Variants in EYS observed in about 807,000 individuals in gnomAD.
EYS encodes protein eyes shut homolog.
Under a neutral mutation model 282.1 loss-of-function variants are expected in EYS, and 250 were observed. That is an observed-to-expected ratio of 0.89 (90% confidence interval 0.80 to 0.98). The LOEUF is 0.98. Ranked by LOEUF, EYS falls within the 50% of genes least tolerant of loss-of-function variation. EYS has a pLI of 0.00. For synonymous variants in EYS, 1,355 were observed against 1,282.9 expected, an observed-to-expected ratio of 1.06 and a Z score of -1.20; for missense variants, 4,016 against 3,709.0, an observed-to-expected ratio of 1.08 and a Z score of -2.15.
chr6:65,384,664 G>C (rs1765734534), intron 7 of EYS, among the ~76,000 whole-genome samples, 164 bp from the exon 8 acceptor site: 1 of 151,752 alleles, frequency 6.6e-6, no homozygotes, highest in Non-Finnish European at 1.5e-5. Flanking sequence ...TCCTATTTAT[G>C]TATTTGGAAA....
chr6:64,986,818 C>G (rs938831264), intron 14 of EYS, among the ~76,000 whole-genome samples: 29 of 145,492 alleles, frequency 2.0e-4, no homozygotes, highest in Non-Finnish European at 3.5e-4. Flanking sequence ...ATATATAACT[C>G]AGACCAAAAA....
chr6:65,142,735 A>G (rs1463474487), intron 12 of EYS, among the ~76,000 whole-genome samples: 1 of 151,892 alleles, frequency 6.6e-6, no homozygotes, highest in Admixed American at 6.6e-5. Context: ...GTGGAGGCCA[A>G]GGAGACATAC....
intron 22 of EYS, among the ~76,000 whole-genome samples, chr6:64,746,324 G>A (rs1250402737): frequency 2.6e-5 from 4 of 151,820 alleles, no homozygotes; most frequent in African/African-American, 9.7e-5. Context: ...ATGAAAAGAA[G>A]AGTTTGTCAC....
intron 30 of EYS, among the ~76,000 whole-genome samples, chr6:64,257,963 G>T (rs1241101775): frequency 6.6e-6 from 1 of 151,944 alleles, no homozygotes; most frequent in Non-Finnish European, 1.5e-5. Flanking sequence ...TTGAGATTCA[G>T]TGCAAGTTTT....
intron 22 of EYS, among the ~76,000 whole-genome samples, chr6:64,698,609 G>T (rs184541463): frequency 1.3e-5 from 2 of 151,890 alleles, no homozygotes; most frequent in Admixed American, 6.6e-5. Context: ...AATATGGACC[G>T]TCTATAAGAA....
intron 29 of EYS, among the ~76,000 whole-genome samples, chr6:64,311,824 A>C (rs1464611182): frequency 6.6e-6 from 1 of 151,972 alleles, no homozygotes; most frequent in Non-Finnish European, 1.5e-5. Flanking sequence ...TATCGGGAGG[A>C]ACGGTGCACT....
chr6:64,026,652 T>C (rs1038032206), intron 33 of EYS, among the ~76,000 whole-genome samples: 1 of 152,232 alleles, frequency 6.6e-6, no homozygotes, highest in Non-Finnish European at 1.5e-5. Flanking sequence ...GCTTGCAATT[T>C]ACATTCCACA....
At position 65,454,667 on chromosome 6, in the gene EYS, T is replaced by G. The variant is rs1322057523; in HGVS notation, c.862+35927A>C. On this transcript the variant is annotated intron_variant, in intron 5 of 42. Coordinates refer to ENST00000503581, the MANE Select transcript of EYS (RefSeq NM_001142800.2). ...TTACATATAAATATTTGATTCATAT[T>G]GAGTTGATTTTGTATATGGTGAGAG... 3.3e-5 allele frequency among the ~76,000 whole-genome samples: 5 copies of G among 152,094 alleles called. No individual in the cohort carries two copies. The East Asian group carries it at 9.6e-4, about 29-fold the overall frequency.
chr6:64,338,662 G>A (rs1269562103), intron 29 of EYS, among the ~76,000 whole-genome samples: 1 of 151,544 alleles, frequency 6.6e-6, no homozygotes, highest in Non-Finnish European at 1.5e-5. Flanking sequence ...CCAAAAAAGA[G>A]CCCACATAGC....
intron 35 of EYS, among the ~76,000 whole-genome samples, chr6:63,884,953 G>T (rs1773227408): frequency 6.6e-6 from 1 of 152,026 alleles, no homozygotes; most frequent in Admixed American, 6.6e-5. Flanking sequence ...GTCCTGTGAA[G>T]AAATTTTATA....
intron 30 of EYS, among the ~76,000 whole-genome samples, chr6:64,256,420 G>C (rs567372788): frequency 1.3e-5 from 2 of 152,108 alleles, no homozygotes; most frequent in African/African-American, 2.4e-5. Context: ...CAGCCTACTA[G>C]GGGTTCACAA....
At chr6:64,501,203 G>A (rs1777031382) in intron 26 of EYS, among the ~76,000 whole-genome samples, 1 of 151,344 alleles carries the variant, frequency 6.6e-6, no homozygotes, top group African/African-American at 2.4e-5. Flanking sequence ...AATAGCATAG[G>A]GCGTATTGTC....
intron 35 of EYS, among the ~76,000 whole-genome samples, chr6:63,922,227 A>C (rs891366899): frequency 1.3e-5 from 2 of 152,210 alleles, no homozygotes; most frequent in African/African-American, 4.8e-5. Flanking sequence ...GCTGGCTAAT[A>C]CATTTAGATT....
At chr6:63,772,913 A>G (rs1370340512) in intron 40 of EYS, among the ~76,000 whole-genome samples, 1 of 151,874 alleles carries the variant, frequency 6.6e-6, no homozygotes, top group Admixed American at 6.6e-5. Context: ...TTGTATGTGT[A>G]TCTATATTTA....
At chr6:64,443,983 C>A (rs10944526) in intron 26 of EYS, among the ~76,000 whole-genome samples, 1 of 152,126 alleles carries the variant, frequency 6.6e-6, no homozygotes, top group East Asian at 1.9e-4. Context: ...TAACATGTCC[C>A]TATTATTACA....
At chr6:63,985,017 TCTAACCC>T in intron 34 of EYS, among the ~76,000 whole-genome samples, 1 of 151,728 alleles carries the variant, frequency 6.6e-6, no homozygotes, top group Non-Finnish European at 1.5e-5. Context: ...ATATTGAAGT[TCTAACCC>T]CTAGTACCTC....
At chr6:64,026,284 A>G (rs1414698572) in intron 33 of EYS, among the ~76,000 whole-genome samples, 1 of 152,194 alleles carries the variant, frequency 6.6e-6, no homozygotes, top group Non-Finnish European at 1.5e-5. Context: ...AGCAGGGTCC[A>G]GGGTCCGTTG....
chr6:64,016,665 A>T (rs1768907859), intron 33 of EYS, among the ~76,000 whole-genome samples: 2 of 151,924 alleles, frequency 1.3e-5, no homozygotes, highest in Non-Finnish European at 2.9e-5. Context: ...CTGTAGGGAC[A>T]GGGTCTCATT....
intron 2 of EYS, among the ~76,000 whole-genome samples, chr6:65,566,793 G>T (rs1769295580): frequency 6.6e-6 from 1 of 151,956 alleles, no homozygotes; most frequent in Non-Finnish European, 1.5e-5. Flanking sequence ...TCTTCTCTAG[G>T]TTTATATGAT....
Sources: allele counts gnomAD v4.1 joint callset (sites outside exome capture counted in the v4.1 genomes callset), GRCh38; gene constraint gnomAD v4.1.1; transcripts MANE v1.5; gene names NCBI Gene and HGNC (gene_info 2026-07-23, HGNC 2026-07-21).